PCSK5: variants seen among roughly 807,000 people sequenced by gnomAD.
PCSK5 encodes the protein prohormone convertase 5.
Under a neutral mutation model 233.2 loss-of-function variants are expected in PCSK5, and 129 were observed. That is an observed-to-expected ratio of 0.55 (90% CI 0.48 to 0.64). The LOEUF (loss-of-function observed/expected upper bound fraction) is 0.64, where lower values mean the gene tolerates loss of function less well. PCSK5 is among the 30% of genes least tolerant of loss of function. PCSK5 has a pLI of 0.00. For missense variants in PCSK5, 2,076 were observed against 2,430.1 expected (o/e 0.85, Z 3.06); for synonymous variants, 825 against 879.2 (o/e 0.94, Z 1.09).
At chr9:76,221,702 G>T (rs1825731688) in intron 20 of PCSK5, among the ~76,000 whole-genome samples, 1 of 152,200 alleles carries the variant, frequency 6.6e-6, no homozygotes, top group African/African-American at 2.4e-5. Flanking sequence ...AAACTAGAAA[G>T]ATCAACTCTT....
intron 2 of PCSK5, among the ~76,000 whole-genome samples, chr9:75,951,174 T>C (rs554741883): frequency 6.6e-6 from 1 of 152,228 alleles, no homozygotes; most frequent in Non-Finnish European, 1.5e-5. Context: ...AGGCTTCATA[T>C]GTAGACCTAA....
intron 24 of PCSK5, among the ~76,000 whole-genome samples, chr9:76,285,066 A>G (rs937084343): frequency 1.3e-5 from 2 of 152,178 alleles, no homozygotes; most frequent in Non-Finnish European, 2.9e-5. Flanking sequence ...TGGAGCTTAG[A>G]ACTTTAGATT....
At chr9:76,208,930 C>T (rs1268956306) in intron 20 of PCSK5, among the ~76,000 whole-genome samples, 2 of 152,208 alleles carry the variant, frequency 1.3e-5, no homozygotes. Context: ...GCACCCCTCT[C>T]TAATATATTT....
chr9:76,067,289 T>C (rs561577996), intron 5 of PCSK5, among the ~76,000 whole-genome samples: 5 of 152,334 alleles, frequency 3.3e-5, no homozygotes, highest in African/African-American at 9.6e-5. Context: ...ACATTTCTTT[T>C]AAAAAGTAAA....
chr9:76,286,826 C>A, intron 24 of PCSK5: 1 of 172,274 alleles, frequency 5.8e-6, no homozygotes, highest in South Asian at 1.4e-4. Context: ...GGGGTTCTGT[C>A]ATTTTCCTTT....
chr9:76,077,804 C>T (rs1830692926), intron 7 of PCSK5, among the ~76,000 whole-genome samples: 2 of 152,172 alleles, frequency 1.3e-5, no homozygotes, highest in African/African-American at 4.8e-5. Flanking sequence ...TCCAATCCAC[C>T]ATTGATTGGG....
intron 2 of PCSK5, among the ~76,000 whole-genome samples, chr9:75,973,569 C>T (rs1587442620): frequency 6.6e-6 from 1 of 152,292 alleles, no homozygotes; most frequent in South Asian, 2.1e-4. Context: ...CTTGGAGACC[C>T]GACCTTGGCC....
intron 1 of PCSK5, among the ~76,000 whole-genome samples, chr9:75,915,478 C>CT (rs1263794235): frequency 6.6e-6 from 1 of 152,156 alleles, no homozygotes; most frequent in East Asian, 1.9e-4. Context: ...CACTCTTGGT[C>CT]TTTATCACTT....
intron 12 of PCSK5, among the ~76,000 whole-genome samples, chr9:76,163,498 A>G (rs940246884): frequency 1.3e-5 from 2 of 152,230 alleles, no homozygotes; most frequent in Non-Finnish European, 2.9e-5. Flanking sequence ...CCCGTGGATC[A>G]TTCAGTGGGT....
chr9:75,933,414 G>T (rs902605158), intron 2 of PCSK5, among the ~76,000 whole-genome samples: 3 of 152,028 alleles, frequency 2.0e-5, no homozygotes, highest in African/African-American at 7.3e-5. Context: ...TTACGATTTG[G>T]GTTTGCCTTA....
intron 20 of PCSK5, chr9:76,193,100 C>T: frequency 1.6e-6 from 1 of 607,494 alleles, no homozygotes; most frequent in Non-Finnish European, 2.7e-6. Flanking sequence ...CAAATTTCCT[C>T]CTGTTGACTA....
intron 2 of PCSK5, among the ~76,000 whole-genome samples, chr9:75,955,898 C>G (rs1427922515): frequency 6.6e-6 from 1 of 152,092 alleles, no homozygotes; most frequent in East Asian, 1.9e-4. Context: ...TGTACTAACT[C>G]AAATCATTTA....
rs1824496743 is a variant in PCSK5 at position 76,193,160 on chromosome 9, A to T, written c.2626+3414A>T. 3.8e-6 allele frequency: 5 copies of T among 1,332,042 alleles called. No individual in the cohort carries two copies. The South Asian group carries it at 6.8e-5, about 18-fold the overall frequency. The allele number at this position is 1,332,042 out of a possible 1,614,324, so 82.5% of individuals were successfully genotyped here. On this transcript the variant is annotated intron_variant, in intron 20 of 37. Coordinates refer to ENST00000674117, the MANE Select transcript of PCSK5 (RefSeq NM_001372043.1). ...CCCAAATCTGCCTCTCTGGCCAATCACAACCTTCTTCCATGTGTGTACATC... is the reference window on the plus strand; with the variant it reads ...CCCAAATCTGCCTCTCTGGCCAATCTCAACCTTCTTCCATGTGTGTACATC...
chr9:75,903,182 T>G (rs1284490003), intron 1 of PCSK5, among the ~76,000 whole-genome samples: 2 of 152,198 alleles, frequency 1.3e-5, no homozygotes, highest in Non-Finnish European at 2.9e-5. Context: ...ATTCTTAGCC[T>G]AAACTTTACT....
intron 2 of PCSK5, among the ~76,000 whole-genome samples, chr9:75,937,613 G>A (rs1311048415): frequency 6.6e-6 from 1 of 152,210 alleles, no homozygotes; most frequent in African/African-American, 2.4e-5. Flanking sequence ...TTGAAGCCAG[G>A]CACCTGCTTC....
At chr9:76,353,015 C>T (rs932842764) in intron 36 of PCSK5, among the ~76,000 whole-genome samples, 7 of 132,144 alleles carry the variant, frequency 5.3e-5, no homozygotes, top group South Asian at 5.1e-4. Context: ...AAAGTAAGCC[C>T]GTCTCAAAAA....
chr9:76,311,246 A>G (rs1008354445), intron 30 of PCSK5, among the ~76,000 whole-genome samples: 3 of 151,922 alleles, frequency 2.0e-5, no homozygotes, highest in African/African-American at 7.3e-5. Flanking sequence ...AGTCCCAGCT[A>G]CTTGGGAGGC....
At chr9:75,894,057 G>T (rs1825715643) in intron 1 of PCSK5, among the ~76,000 whole-genome samples, 1 of 152,180 alleles carries the variant, frequency 6.6e-6, no homozygotes, top group Non-Finnish European at 1.5e-5. Context: ...TCAGCTGAGG[G>T]CAGTAACTAA....
chr9:76,077,943 G>C (rs938174618), intron 7 of PCSK5, among the ~76,000 whole-genome samples: 3 of 152,216 alleles, frequency 2.0e-5, no homozygotes, highest in African/African-American at 7.2e-5. Context: ...TTGCTAGGTT[G>C]AACGGTAGCT....
Sources: allele counts gnomAD v4.1 joint callset (sites outside exome capture counted in the v4.1 genomes callset), GRCh38; gene constraint gnomAD v4.1.1; transcripts MANE v1.5; gene names NCBI Gene and HGNC (gene_info 2026-07-23, HGNC 2026-07-21).